AFAP1: variants seen among roughly 807,000 people sequenced by gnomAD.
AFAP1 encodes the protein actin filament-associated protein 1.
Under a neutral mutation model 93.9 loss-of-function variants are expected in AFAP1, and 75 were observed. The ratio of observed to expected loss-of-function variants is 0.80; its 90% CI spans 0.66 to 0.97. AFAP1 has a LOEUF of 0.97. Among genes scored for constraint, AFAP1 ranks in the 50% least tolerant of loss-of-function variants. The pLI, the probability that AFAP1 is intolerant of heterozygous loss-of-function variation, is 0.00. For missense variants in AFAP1, 1,201 were observed against 1,050.8 expected (o/e 1.14, Z -1.98); for synonymous variants, 517 against 430.7 (o/e 1.20, Z -2.48).
chr4:7,863,553 G>A (rs1435908518), intron 3 of AFAP1, among the ~76,000 whole-genome samples: 3 of 152,210 alleles, frequency 2.0e-5, no homozygotes, highest in Non-Finnish European at 4.4e-5. Context: ...AGCAGAGTGT[G>A]AAACATGCTA....
intron 12 of AFAP1, among the ~76,000 whole-genome samples, chr4:7,785,531 C>A (rs926146484): frequency 6.6e-6 from 1 of 152,210 alleles, no homozygotes; most frequent in Non-Finnish European, 1.5e-5. Flanking sequence ...GAAATAACTA[C>A]TCATTGATAA....
At position 7,786,438 on chromosome 4, in the gene AFAP1, A is replaced by T; in HGVS notation, c.1413-127T>A. 4 of 751,420 alleles carry T rather than the reference A, an allele frequency of 5.3e-6. No homozygotes were observed. The South Asian group carries it at 6.9e-5, about 13-fold the overall frequency. The allele number at this position is 751,420 out of a possible 1,614,324, so 46.5% of individuals were successfully genotyped here. A position where few individuals can be genotyped will look rare whatever the true frequency, so the allele number is the denominator to read the frequency against. On this transcript the variant is annotated intron_variant, in intron 11 of 17. Coordinates refer to ENST00000420658, the MANE Select transcript of AFAP1 (RefSeq NM_001134647.2). Reference sequence around the variant, plus strand: ...GAGGTCACAGGGGCAGAGAAGAAATACTAGACAGAATCTCGGCAGAAATGA... The same window carrying T: ...GAGGTCACAGGGGCAGAGAAGAAATTCTAGACAGAATCTCGGCAGAAATGA...
rs1384138156 is a variant in AFAP1, at chr4:7,774,783, C to T, written c.2018G>A (p.Arg673His). The T allele has an allele frequency of 6.2e-6, 10 of 1,614,208 alleles. No homozygotes were observed. The highest frequency in any genetic ancestry group is 1.6e-4 in the Middle Eastern group (1 of 6,062). Residue 673 changes from arginine to histidine, a missense_variant, in exon 15 of 18, where the codon CGC becomes CAC. Physicochemically the swap from Arg to His is conservative, Grantham distance 29. Coordinates refer to ENST00000420658, the MANE Select transcript of AFAP1 (RefSeq NM_001134647.2). ...CGCTCGAAGGTCTTTTCTTTCCTTG[C>T]GGAGCTGGGCCAGCCTATTCCGCAG... ...EALRNRLAQL[R>H]KERKDLRAAI...
At chr4:7,909,644 G>A (rs574365194) in intron 1 of AFAP1, among the ~76,000 whole-genome samples, 1 of 152,098 alleles carries the variant, frequency 6.6e-6, no homozygotes, top group African/African-American at 2.4e-5. Flanking sequence ...GTTCCAAAGC[G>A]CAAGAGCCAT....
chr4:7,833,231 A>G (rs1182190171), intron 6 of AFAP1, among the ~76,000 whole-genome samples: 4 of 152,232 alleles, frequency 2.6e-5, no homozygotes, highest in African/African-American at 9.6e-5. Context: ...GAGTGAGAGA[A>G]AACCTTCACA....
At chr4:7,777,085 C>T (rs925084146) in intron 14 of AFAP1, 1 of 152,178 alleles carries the variant, frequency 6.6e-6, no homozygotes. Context: ...CAGGTACTGA[C>T]AGAGAAACAC....
intron 9 of AFAP1, among the ~76,000 whole-genome samples, chr4:7,806,467 G>C (rs891826356): frequency 6.6e-6 from 1 of 152,130 alleles, no homozygotes; most frequent in Admixed American, 6.5e-5. Flanking sequence ...GCTTTCAGTG[G>C]CTCCTGGGAG....
At chr4:7,860,575 CACAG>C (rs1715561780) in intron 3 of AFAP1, among the ~76,000 whole-genome samples, 1 of 152,126 alleles carries the variant, frequency 6.6e-6, no homozygotes, top group Non-Finnish European at 1.5e-5. Context: ...ATTGTGATTT[CACAG>C]ATGAGGAAAC....
chr4:7,889,637 C>CA (rs1341644709), intron 1 of AFAP1, among the ~76,000 whole-genome samples: 1 of 143,500 alleles, frequency 7.0e-6, no homozygotes, highest in Non-Finnish European at 1.5e-5. Flanking sequence ...ACTCATCAAA[C>CA]TATTCTTTAA....
chr4:7,773,744 G>A (rs1715756272), intron 15 of AFAP1: 2 of 152,456 alleles, frequency 1.3e-5, no homozygotes, highest in Admixed American at 1.3e-4. Flanking sequence ...CTCCCGTAGG[G>A]TCAGCCTCAG....
At chr4:7,893,140 T>C (rs992642065) in intron 1 of AFAP1, among the ~76,000 whole-genome samples, 5 of 152,240 alleles carry the variant, frequency 3.3e-5, no homozygotes, top group Admixed American at 3.3e-4. Flanking sequence ...AACTGGTCTA[T>C]GGCTTTTTAC....
intron 1 of AFAP1, among the ~76,000 whole-genome samples, chr4:7,935,686 C>G (rs1721336409): frequency 6.6e-6 from 1 of 152,196 alleles, no homozygotes; most frequent in African/African-American, 2.4e-5. Flanking sequence ...ACACTCCTAG[C>G]AGCCACAGCA....
intron 8 of AFAP1, among the ~76,000 whole-genome samples, chr4:7,813,011 C>T (rs1018364331): frequency 6.6e-6 from 1 of 152,094 alleles, no homozygotes; most frequent in African/African-American, 2.4e-5. Flanking sequence ...CATACTGTGT[C>T]GGTTTATTAG....
chr4:7,931,553 T>C (rs1721070557), intron 1 of AFAP1, among the ~76,000 whole-genome samples: 1 of 151,736 alleles, frequency 6.6e-6, no homozygotes, highest in South Asian at 2.1e-4. Context: ...AGCATTTTTT[T>C]TTTTTTTTGG....
At chr4:7,906,916 C>A (rs748868042) in intron 1 of AFAP1, among the ~76,000 whole-genome samples, 9 of 151,630 alleles carry the variant, frequency 5.9e-5, no homozygotes, top group Non-Finnish European at 1.2e-4. Flanking sequence ...GAGGAAGAAC[C>A]GCTTGAACTC....
intron 13 of AFAP1, among the ~76,000 whole-genome samples, chr4:7,780,280 G>GA (rs748596381): frequency 6.6e-6 from 1 of 152,212 alleles, no homozygotes; most frequent in Admixed American, 6.5e-5. Context: ...CAACCGTCAT[G>GA]AAAAATCAAA....
intron 1 of AFAP1, among the ~76,000 whole-genome samples, chr4:7,926,326 C>T (rs1720735034): frequency 6.6e-6 from 1 of 152,176 alleles, no homozygotes; most frequent in African/African-American, 2.4e-5. Context: ...AAAAACAAAA[C>T]TTTAATCCGT....
chr4:7,867,374 A>G (rs2149173178), intron 3 of AFAP1, among the ~76,000 whole-genome samples: 1 of 152,246 alleles, frequency 6.6e-6, no homozygotes, highest in East Asian at 1.9e-4. Context: ...ATCTCCCCAA[A>G]TCATATGAGG....
chr4:7,807,010 C>T (rs1000535001), intron 9 of AFAP1, among the ~76,000 whole-genome samples: 4 of 152,138 alleles, frequency 2.6e-5, no homozygotes, highest in Admixed American at 1.3e-4. Flanking sequence ...GGAACCAGCA[C>T]AGTTGGGTCA....
Sources: gnomAD v4.1 joint callset for allele counts (sites outside exome capture counted in the v4.1 genomes callset) on GRCh38, gnomAD v4.1.1 for gene constraint, MANE v1.5 for transcripts, NCBI Gene and HGNC (gene_info 2026-07-23, HGNC 2026-07-21) for gene names.